ZC4H2: variants seen among roughly 807,000 people sequenced by gnomAD.
ZC4H2 encodes the protein zinc finger C4H2 domain-containing protein.
For synonymous variants in ZC4H2, 84 were observed against 66.3 expected, an observed-to-expected ratio of 1.27 and a Z score of -1.30; for missense variants, 137 against 173.9, an observed-to-expected ratio of 0.79 and a Z score of 1.19.
At chrX:64,942,649 AG>A (rs1189915443) in intron 1 of ZC4H2, among the ~76,000 whole-genome samples, 48 of 111,315 alleles carry the variant, frequency 4.3e-4, no homozygotes, top group African/African-American at 1.5e-3. Flanking sequence ...TGTCTATGCA[AG>A]GGACATGAAC....
intron 1 of ZC4H2, among the ~76,000 whole-genome samples, chrX:64,971,651 C>T (rs1369379709): frequency 9.0e-6 from 1 of 111,123 alleles, no homozygotes; most frequent in Non-Finnish European, 1.9e-5. Flanking sequence ...GCCCAGTAGG[C>T]TGTCATATGT....
intron 1 of ZC4H2, among the ~76,000 whole-genome samples, chrX:64,957,449 A>G (rs891244641): frequency 2.7e-5 from 3 of 112,472 alleles, no homozygotes; most frequent in Non-Finnish European, 5.6e-5. Flanking sequence ...CTTGACACAA[A>G]AACATACTGT....
At chrX:64,959,916 C>A (rs746785163) in intron 1 of ZC4H2, among the ~76,000 whole-genome samples, 3 of 111,052 alleles carry the variant, frequency 2.7e-5, no homozygotes, top group African/African-American at 9.8e-5. Context: ...TCTTTTGAAA[C>A]CATATTTGAG....
chrX:65,011,534 A>C (rs1307896839), intron 1 of ZC4H2, among the ~76,000 whole-genome samples: 1 of 111,176 alleles, frequency 9.0e-6, no homozygotes, highest in Non-Finnish European at 1.9e-5. Context: ...CTTTTTTGAC[A>C]ATCAGATTAT....
intron 1 of ZC4H2, among the ~76,000 whole-genome samples, chrX:65,018,510 G>A (rs768541683): frequency 2.7e-5 from 3 of 112,358 alleles, no homozygotes; most frequent in African/African-American, 9.7e-5. Context: ...CAGATACTGT[G>A]CTTTTCCCAC....
intron 1 of ZC4H2, among the ~76,000 whole-genome samples, chrX:64,988,112 G>A (rs758948324): frequency 8.2e-4 from 90 of 109,698 alleles, no homozygotes; most frequent in Middle Eastern, 4.6e-3. Context: ...TATGTGCCAC[G>A]TTTTCTTAAT....
At chrX:64,930,182 G>T (rs1929677292) in intron 1 of ZC4H2, among the ~76,000 whole-genome samples, 1 of 111,614 alleles carries the variant, frequency 9.0e-6, no homozygotes, top group African/African-American at 3.3e-5. Context: ...GTCATTGTTG[G>T]TATATAGCAG....
intron 1 of ZC4H2, among the ~76,000 whole-genome samples, chrX:64,938,734 A>G (rs1347279858): frequency 8.9e-6 from 1 of 112,044 alleles, no homozygotes; most frequent in Admixed American, 9.5e-5. Context: ...ACATAATTCA[A>G]CACCCCTTTA....
chrX:64,980,582 T>C (rs771816959), upstream of ZC4H2, among the ~76,000 whole-genome samples: 57 of 112,378 alleles, frequency 5.1e-4, no homozygotes, highest in Non-Finnish European at 9.6e-4. Flanking sequence ...CAGGGATATA[T>C]AGTGCTTTGC....
intron 1 of ZC4H2, among the ~76,000 whole-genome samples, chrX:64,964,670 G>A (rs1305310917): frequency 9.0e-6 from 1 of 111,575 alleles, no homozygotes; most frequent in Non-Finnish European, 1.9e-5. Context: ...GTTAAAGGGA[G>A]TCCTTCAAGC....
chrX:64,996,814 T>C, intron 1 of ZC4H2, among the ~76,000 whole-genome samples: 1 of 109,872 alleles, frequency 9.1e-6, no homozygotes, highest in Non-Finnish European at 1.9e-5. Flanking sequence ...CAGAAGATAA[T>C]AGAGAAAGGT....
intron 1 of ZC4H2, among the ~76,000 whole-genome samples, chrX:64,943,473 T>C (rs1164840381): frequency 1.8e-5 from 2 of 111,919 alleles, no homozygotes; most frequent in Admixed American, 9.5e-5. Context: ...TCTTAGTCTC[T>C]TTGTAGCTCT....
At position 64,975,475 on chromosome X, in the gene ZC4H2, C is replaced by T. The variant is rs769735431; in HGVS notation, c.53+850G>A. On this transcript the variant is annotated intron_variant, in intron 1 of 4. Transcript: ENST00000374839. ...CTCCAGGGAGAGAGCTTGACCCAGG[C>T]CACTCTCAGAGTGAGAGCAAAAGCC... 4.5e-5 allele frequency among the ~76,000 whole-genome samples: 5 copies of T among 111,937 alleles called. No homozygotes were observed. The East Asian group carries it at 1.4e-3, about 32-fold the overall frequency.
At chrX:64,956,487 T>C (rs73627901) in intron 1 of ZC4H2, among the ~76,000 whole-genome samples, 13,812 of 110,557 alleles carry the variant, frequency 0.12, 2,092 homozygotes, top group African/African-American at 0.42. Flanking sequence ...CTGAAAAAAA[T>C]ATGCAACCAT....
At chrX:64,939,638 A>C (rs1184622991) in intron 1 of ZC4H2, among the ~76,000 whole-genome samples, 1 of 111,600 alleles carries the variant, frequency 9.0e-6, no homozygotes, top group African/African-American at 3.3e-5. Flanking sequence ...CACATCTACA[A>C]CCATCTGATC....
At chrX:64,943,712 G>A (rs956497286) in intron 1 of ZC4H2, among the ~76,000 whole-genome samples, 16 of 110,980 alleles carry the variant, frequency 1.4e-4, no homozygotes, top group East Asian at 2.8e-4. Flanking sequence ...TATTTTGAGC[G>A]CATGTGTATC....
At chrX:65,031,758 T>A (rs1048892638) in intron 1 of ZC4H2, among the ~76,000 whole-genome samples, 1 of 111,620 alleles carries the variant, frequency 9.0e-6, no homozygotes, top group African/African-American at 3.3e-5. Flanking sequence ...TGTAAAGACA[T>A]GTCTTCAAAG....
In ZC4H2 at chrX:64,921,945, C is replaced by A; in HGVS notation, c.97G>T (p.Ala33Ser). The A allele has an allele frequency of 1.7e-6, 2 of 1,211,014 alleles. No homozygotes were observed. Among genetic ancestry groups the A allele is most frequent in the Admixed American group, 2.2e-5 (1 of 45,868 alleles). ...QMEKIKARLKAEFEALESEER... is the reference protein window; with the variant it reads ...QMEKIKARLKSEFEALESEER... The stretch of plus-strand genomic sequence containing the variant: ...TCTGACTCAAGTGCCTCAAACTCAG[C>A]CTTCAAACGAGCCTTGATCTTCTCC... Residue 33 changes from alanine to serine, a missense_variant, in exon 2 of 5, where the codon GCT becomes TCT. Coordinates refer to ENST00000374839, the MANE Select transcript of ZC4H2 (RefSeq NM_018684.4).
chrX:64,938,695 T>G (rs1326556759), intron 1 of ZC4H2, among the ~76,000 whole-genome samples: 4 of 112,062 alleles, frequency 3.6e-5, no homozygotes, highest in African/African-American at 1.3e-4. Context: ...GTCACATGAT[T>G]ATCTCACTAG....
Sources: gnomAD v4.1 joint callset for allele counts (sites outside exome capture counted in the v4.1 genomes callset) on GRCh38, gnomAD v4.1.1 for gene constraint, MANE v1.5 for transcripts, NCBI Gene and HGNC (gene_info 2026-07-23, HGNC 2026-07-21) for gene names.